The following MYO1B variants were observed in gnomAD, a reference collection of about 807,000 sequenced individuals.
The protein encoded by MYO1B is myosin IB, also known as unconventional myosin-Ib.
Under a neutral mutation model 159.7 loss-of-function variants are expected in MYO1B, and 72 were observed. The observed-to-expected ratio is 0.45, with a 90% CI of 0.37 to 0.55. The LOEUF (loss-of-function observed/expected upper bound fraction) is 0.55, where lower values mean the gene tolerates loss of function less well. MYO1B is among the 20% of genes least tolerant of loss of function. The probability of loss-of-function intolerance (pLI) is 0.00; values close to 1 mark genes in which losing one functional copy is unlikely to be tolerated. For synonymous variants in MYO1B, 468 were observed against 473.8 expected (o/e 0.99, Z 0.16); for missense variants, 1,062 against 1,364.8 (o/e 0.78, Z 3.50).
intron 30 of MYO1B, among the ~76,000 whole-genome samples, chr2:191,416,672 G>A (rs538911139): frequency 9.2e-5 from 14 of 152,154 alleles, no homozygotes; most frequent in African/African-American, 3.4e-4. Context: ...AAATTAGCTG[G>A]GCGTGGTGGC....
rs117454614 is a variant in MYO1B at position 191,257,339 on chromosome 2, A to T, written c.-10+11713A>T. 6.0e-4 allele frequency among the ~76,000 whole-genome samples: 91 copies of T among 152,256 alleles called. 1 individual carries two copies. The East Asian group carries it at 0.01, about 17-fold the overall frequency. On this transcript the variant is annotated intron_variant, in intron 1 of 30. Transcript: ENST00000392318. ...AGATTGGGTGGCTGCAAGGAAGGGA[A>T]GATTGAGGGGATGTTGAAGTTAAAT...
chr2:191,326,650 G>A (rs1171172873), intron 3 of MYO1B, among the ~76,000 whole-genome samples: 1 of 152,018 alleles, frequency 6.6e-6, no homozygotes, highest in Non-Finnish European at 1.5e-5. Flanking sequence ...GAGGACAGCA[G>A]TTAAGTATTT....
chr2:191,419,796 A>C (rs1423405300), intron 30 of MYO1B, among the ~76,000 whole-genome samples: 1 of 152,172 alleles, frequency 6.6e-6, no homozygotes, highest in Non-Finnish European at 1.5e-5. Context: ...TAAAAATAAA[A>C]AAAATTAAAA....
intron 15 of MYO1B, among the ~76,000 whole-genome samples, 179 bp downstream of exon 15, chr2:191,383,521 C>CTT (rs1432279223): frequency 7.0e-5 from 2 of 28,558 alleles, no homozygotes; most frequent in Non-Finnish European, 2.1e-4. Context: ...CACGTACACA[C>CTT]ACACACACAC....
chr2:191,364,105 A>C, intron 10 of MYO1B, 53 bp from the exon 11 acceptor site: 1 of 1,432,944 alleles, frequency 7.0e-7, no homozygotes, highest in Non-Finnish European at 9.8e-7. Flanking sequence ...CAAAATTATT[A>C]TTAGCAGCAC....
At chr2:191,251,429 T>C (rs1333251770) in intron 1 of MYO1B, among the ~76,000 whole-genome samples, 1 of 152,222 alleles carries the variant, frequency 6.6e-6, no homozygotes, top group Non-Finnish European at 1.5e-5. Context: ...AAAGTAAAAA[T>C]TGACATTCTT....
chr2:191,314,481 A>G (rs2125872700), intron 3 of MYO1B, among the ~76,000 whole-genome samples: 1 of 152,336 alleles, frequency 6.6e-6, no homozygotes, highest in African/African-American at 2.4e-5. Flanking sequence ...TGGAACCAAT[A>G]TGTCTGTTGG....
intron 1 of MYO1B, among the ~76,000 whole-genome samples, chr2:191,260,040 T>C (rs1312809718): frequency 6.6e-6 from 1 of 151,946 alleles, no homozygotes; most frequent in African/African-American, 2.4e-5. Flanking sequence ...AGGCGGAGGA[T>C]AGAACTCTGG....
chr2:191,331,167 C>T (rs746948154), intron 4 of MYO1B, among the ~76,000 whole-genome samples: 24 of 152,078 alleles, frequency 1.6e-4, no homozygotes, highest in Admixed American at 5.2e-4. Flanking sequence ...TTGGAGACAC[C>T]GAGCACCATT....
intron 8 of MYO1B, among the ~76,000 whole-genome samples, chr2:191,361,489 G>C (rs1693667521): frequency 6.6e-6 from 1 of 151,832 alleles, no homozygotes; most frequent in South Asian, 2.1e-4. Flanking sequence ...AAGAAGAAGA[G>C]CTATGAAAAG....
Position 191,416,156 on chromosome 2 carries a change from T to G in MYO1B, c.3201T>G (p.Ser1067Arg). The G allele has an allele frequency of 6.2e-7, 1 of 1,614,190 alleles. No individual in the cohort carries two copies. Among genetic ancestry groups the G allele is most frequent in the Non-Finnish European group, 8.5e-7 (1 of 1,180,022 alleles). The stretch of plus-strand genomic sequence containing the variant: ...GTAAAGGAGACTTTCTCTTCAGCAG[T>G]GATCACCTGATTGAAATGGCCACCA... ...AASKGDFLFS[S>R]DHLIEMATKL... Residue 1067 changes from serine (S) to arginine (R), a missense_variant, in exon 30 of 31, where the codon AGT becomes AGG. By Grantham distance (110) the Ser-to-Arg change is moderately radical (BLOSUM62 -1). Coordinates refer to ENST00000392318, the MANE Select transcript of MYO1B (RefSeq NM_001130158.3).
Position 191,392,196 on chromosome 2 carries a change from A to C in MYO1B, c.2071A>C (p.Arg691=). Residue 691 remains arginine (R), a synonymous_variant, in exon 19 of 31, where the codon AGA becomes CGA. Coordinates refer to ENST00000392318, the MANE Select transcript of MYO1B (RefSeq NM_001130158.3). ...GRSKIFIRNP[R]TLFKLEDLRK... ...ATCAAAGATATTCATCCGAAACCCA[A>C]GAACAGTATGTAACGAAAACCTTTA... The C allele has an allele frequency of 6.2e-7, 1 of 1,601,796 alleles. No homozygotes were observed. Among genetic ancestry groups the C allele is most frequent in the Non-Finnish European group, 8.5e-7 (1 of 1,171,252 alleles).
chr2:191,273,050 G>T (rs1687549427), intron 1 of MYO1B, among the ~76,000 whole-genome samples: 1 of 152,204 alleles, frequency 6.6e-6, no homozygotes, highest in Non-Finnish European at 1.5e-5. Context: ...CAAGCTTCAA[G>T]TGCAGTTTGA....
rs372805726 is a variant in MYO1B at position 191,418,552 on chromosome 2, C to T, written c.3287+2310C>T. Among the ~76,000 whole-genome samples the T allele has an allele frequency of 4.9e-4, 61 of 124,908 alleles. No homozygotes were observed. In the East Asian group the frequency reaches 0.013, roughly 26 times the overall value. The allele number at this position is 124,908 out of a possible 152,430, so 81.9% of individuals were successfully genotyped here. On this transcript the variant is annotated intron_variant, in intron 30 of 30. Transcript: ENST00000392318. ...TTGCCAAGGCTGGAGTGCAGTGGCACGATCTTGGCTCACCGCAACCTCCGC... is the reference window on the plus strand; with the variant it reads ...TTGCCAAGGCTGGAGTGCAGTGGCATGATCTTGGCTCACCGCAACCTCCGC...
At chr2:191,326,918 G>T (rs1224183710) in intron 3 of MYO1B, among the ~76,000 whole-genome samples, 1 of 151,800 alleles carries the variant, frequency 6.6e-6, no homozygotes, top group East Asian at 1.9e-4. Context: ...ATGGGAAAAA[G>T]GTCTGTATTC....
At chr2:191,280,619 C>T (rs573672166) in intron 2 of MYO1B, among the ~76,000 whole-genome samples, 4 of 152,208 alleles carry the variant, frequency 2.6e-5, no homozygotes, top group Admixed American at 6.5e-5. Flanking sequence ...GACTGTGGCC[C>T]GGAGATGGCA....
At chr2:191,290,491 G>A (rs936627846) in intron 2 of MYO1B, among the ~76,000 whole-genome samples, 2 of 152,102 alleles carry the variant, frequency 1.3e-5, no homozygotes, top group African/African-American at 4.8e-5. Flanking sequence ...GTGGGTTAGG[G>A]CCAACAGTTT....
chr2:191,247,672 A>T (rs181813075), intron 1 of MYO1B, among the ~76,000 whole-genome samples: 12 of 152,378 alleles, frequency 7.9e-5, no homozygotes, highest in African/African-American at 2.9e-4. Context: ...CTTTTCACTT[A>T]TGCTGTGAAT....
In MYO1B at chr2:191,363,965, T is replaced by C. The variant is rs778734118; in HGVS notation, c.913+90T>C. 7.3e-6 allele frequency: 11 copies of C among 1,512,018 alleles called. No individual in the cohort carries two copies. The South Asian group carries it at 1.3e-4, about 17-fold the overall frequency. The allele number at this position is 1,512,018 out of a possible 1,614,324, so 93.7% of individuals were successfully genotyped here. A position where few individuals can be genotyped will look rare whatever the true frequency, so the allele number is the denominator to read the frequency against. ...TAATGTAGAAAGTAAAATTTTTGCT[T>C]TGCATTGGTTTGAGAAAGCTTTCTA... On this transcript the variant is annotated intron_variant, in intron 10 of 30. Coordinates refer to ENST00000392318, the MANE Select transcript of MYO1B (RefSeq NM_001130158.3).
Sources: allele counts gnomAD v4.1 joint callset (sites outside exome capture counted in the v4.1 genomes callset), GRCh38; gene constraint gnomAD v4.1.1; transcripts MANE v1.5; gene names NCBI Gene and HGNC (gene_info 2026-07-23, HGNC 2026-07-21).